The following SLIT3 variants were observed in gnomAD, a reference collection of about 807,000 sequenced individuals.
SLIT3 encodes the protein slit guidance ligand 3, also known as slit homolog 3 protein.
SLIT3 carries 68 observed loss-of-function variants against 184.0 expected under a neutral mutation model. The observed-to-expected ratio is 0.37, with a 90% CI of 0.30 to 0.45. SLIT3 has a LOEUF of 0.45. Ranked by LOEUF, SLIT3 falls within the 20% of genes least tolerant of loss-of-function variation. SLIT3 has a pLI of 1.00. For missense variants in SLIT3, 1,707 were observed against 2,026.0 expected (o/e 0.84, Z 3.02); for synonymous variants, 831 against 828.6 (o/e 1.00, Z -0.05).
At chr5:168,956,774 A>G (rs1476115808) in intron 4 of SLIT3, among the ~76,000 whole-genome samples, 1 of 151,188 alleles carries the variant, frequency 6.6e-6, no homozygotes, top group African/African-American at 2.4e-5. Flanking sequence ...GCCTGGTGAC[A>G]GAGTGACACT....
intron 4 of SLIT3, among the ~76,000 whole-genome samples, chr5:168,924,300 C>T (rs985950434): frequency 1.3e-5 from 2 of 152,156 alleles, no homozygotes; most frequent in Non-Finnish European, 2.9e-5. Context: ...CTCCTAGCCC[C>T]CAGTCTTTGC....
intron 4 of SLIT3, among the ~76,000 whole-genome samples, chr5:169,015,022 G>A (rs17734396): frequency 0.2 from 29,970 of 151,754 alleles, 3,390 homozygotes; most frequent in East Asian, 0.54. Context: ...AACCAAACTT[G>A]CAGGAGGGCA....
intron 3 of SLIT3, among the ~76,000 whole-genome samples, chr5:169,230,940 T>C (rs1366159066): frequency 2.0e-5 from 3 of 152,220 alleles, no homozygotes; most frequent in African/African-American, 7.2e-5. Context: ...TATCCACCAC[T>C]TAGATTCAAC....
chr5:168,762,451 G>A, intron 15 of SLIT3, 88 bp downstream of exon 15: 1 of 1,424,650 alleles, frequency 7.0e-7, no homozygotes, highest in Non-Finnish European at 9.8e-7. Context: ...GCCAGGAAGG[G>A]GTCACCGCCA....
intron 1 of SLIT3, among the ~76,000 whole-genome samples, chr5:169,258,356 A>T (rs541170806): frequency 1.2e-3 from 183 of 152,320 alleles, no homozygotes; most frequent in African/African-American, 4.0e-3. Flanking sequence ...TGCCTTGGAG[A>T]AAAACAAAGA....
chr5:168,981,322 G>T (rs553515403), intron 4 of SLIT3, among the ~76,000 whole-genome samples: 1 of 152,188 alleles, frequency 6.6e-6, no homozygotes, highest in Non-Finnish European at 1.5e-5. Flanking sequence ...GTAAATGGGG[G>T]TAGGGGAGAA....
chr5:169,112,104 G>A (rs959667537), intron 4 of SLIT3, among the ~76,000 whole-genome samples: 14 of 152,240 alleles, frequency 9.2e-5, no homozygotes, highest in African/African-American at 3.4e-4. Flanking sequence ...GGAACGAACA[G>A]TATTTTTGTG....
At chr5:168,868,576 T>C (rs1311548037) in intron 5 of SLIT3, among the ~76,000 whole-genome samples, 4 of 151,872 alleles carry the variant, frequency 2.6e-5, no homozygotes, top group African/African-American at 7.3e-5. Flanking sequence ...GGTGAAACCC[T>C]GTCTCTACTA....
At chr5:169,108,278 G>T (rs1402961584) in intron 4 of SLIT3, among the ~76,000 whole-genome samples, 1 of 152,210 alleles carries the variant, frequency 6.6e-6, no homozygotes, top group African/African-American at 2.4e-5. Flanking sequence ...AAGCAACCTG[G>T]GTTCAAGTCC....
At chr5:169,197,560 A>G (rs888998670) in intron 3 of SLIT3, among the ~76,000 whole-genome samples, 2 of 152,162 alleles carry the variant, frequency 1.3e-5, no homozygotes, top group Non-Finnish European at 2.9e-5. Context: ...TGGTACACTC[A>G]TGCCATCTGC....
At chr5:168,700,445 G>A in intron 27 of SLIT3, 137 bp downstream of exon 27, 1 of 665,760 alleles carries the variant, frequency 1.5e-6, no homozygotes, top group Non-Finnish European at 2.7e-6. Context: ...TGCCATGATT[G>A]TGAGGCTTCC....
intron 4 of SLIT3, among the ~76,000 whole-genome samples, chr5:168,952,126 G>A (rs564259763): frequency 8.5e-5 from 13 of 152,184 alleles, no homozygotes; most frequent in Non-Finnish European, 1.6e-4. Flanking sequence ...CAAGTGCTGT[G>A]GGTTATAAAC....
At chr5:169,248,038 TCTC>T (rs1260023822) in intron 2 of SLIT3, among the ~76,000 whole-genome samples, 10 of 151,866 alleles carry the variant, frequency 6.6e-5, no homozygotes, top group African/African-American at 2.4e-4. Context: ...GATTTACTCT[TCTC>T]CTTCCCTGCC....
Position 168,684,074 on chromosome 5 carries a change from C to T in SLIT3, c.3578G>A (p.Gly1193Asp). Residue 1193 changes from glycine (G) to aspartate (D), a missense_variant, in exon 32 of 36, where the codon GGC (glycine) becomes GAC (aspartate). This residue lies in a region of SLIT3 where 387 missense variants were observed against 477.9 expected (regional missense o/e 0.81). Coordinates refer to ENST00000519560, the MANE Select transcript of SLIT3 (RefSeq NM_003062.4). ...ATTGTCTCCTTTGTAGAGAAGGATG[C>T]CGTTGTCCTTGTCAGTGGCCACCTG... is the stretch of plus-strand genomic sequence containing the variant. ...SLQVATDKDN[G>D]ILLYKGDNDP... The T allele has an allele frequency of 6.2e-7, 1 of 1,603,604 alleles. No homozygotes were observed. The highest frequency in any genetic ancestry group is 8.5e-7 in the Non-Finnish European group (1 of 1,174,456).
chr5:168,825,451 C>T (rs534632016), intron 6 of SLIT3, among the ~76,000 whole-genome samples: 2 of 152,258 alleles, frequency 1.3e-5, no homozygotes, highest in South Asian at 4.1e-4. Context: ...ATTCTTCTTT[C>T]TCCCTCCCTC....
intron 4 of SLIT3, among the ~76,000 whole-genome samples, chr5:168,925,440 A>G (rs1761784817): frequency 6.6e-6 from 1 of 152,188 alleles, no homozygotes; most frequent in South Asian, 2.1e-4. Flanking sequence ...CATGACTTGC[A>G]CCAGCAAGAG....
At chr5:168,712,559 T>G in intron 23 of SLIT3, 1 of 574,612 alleles carries the variant, frequency 1.7e-6, no homozygotes, top group Non-Finnish European at 3.1e-6. Flanking sequence ...GTAGAGGGTT[T>G]GCGGAAGAAG....
At position 168,666,006 on chromosome 5, in the gene SLIT3, T is replaced by A. The variant is rs1169575406; in HGVS notation, c.*448A>T. ...CTCTTATTCCTTTTTCTGATCTCAA[T>A]GAGCAGCTCTTGGTCTACTGCCGAC... On this transcript the variant is annotated 3_prime_UTR_variant, in exon 36 of 36. Coordinates refer to ENST00000519560, the MANE Select transcript of SLIT3 (RefSeq NM_003062.4). 1 of 152,754 alleles carries A rather than the reference T, an allele frequency of 6.5e-6. No individual in the cohort carries two copies. Among genetic ancestry groups the A allele is most frequent in the Non-Finnish European group, 1.5e-5 (1 of 68,414 alleles). 9.5% of individuals were successfully genotyped at this position (152,754 alleles called of 1,614,324 possible).
At chr5:168,820,865 A>G (rs2938770) in intron 7 of SLIT3, among the ~76,000 whole-genome samples, 149,887 of 152,316 alleles carry the variant, frequency 0.98, 73,758 homozygotes, top group East Asian at 1. Context: ...GTGGCTTTCT[A>G]AATTCAATAT....
Sources: allele counts gnomAD v4.1 joint callset (sites outside exome capture counted in the v4.1 genomes callset), GRCh38; gene constraint gnomAD v4.1.1; regional missense constraint gnomAD v4.1.1; transcripts MANE v1.5; gene names NCBI Gene and HGNC (gene_info 2026-07-23, HGNC 2026-07-21).